Variants in CDK13 observed in about 807,000 individuals in gnomAD.
The protein encoded by CDK13 is cyclin-dependent kinase 13.
A neutral mutation model predicts 137.6 loss-of-function variants in CDK13; 40 were observed. The ratio of observed to expected loss-of-function variants is 0.29; its 90% CI spans 0.23 to 0.38. The LOEUF is 0.38. Ranked by LOEUF, CDK13 falls within the 10% of genes least tolerant of loss-of-function variation. CDK13 has a pLI of 1.00. For synonymous variants in CDK13, 869 were observed against 760.1 expected (o/e 1.14, Z -2.36); for missense variants, 1,704 against 1,951.8 (o/e 0.87, Z 2.39).
At chr7:40,084,360 C>G (rs974574503) in intron 11 of CDK13, among the ~76,000 whole-genome samples, 1 of 152,140 alleles carries the variant, frequency 6.6e-6, no homozygotes, top group Non-Finnish European at 1.5e-5. Context: ...TGCCTGTAAT[C>G]CCAACTACTT....
intron 1 of CDK13, 130 bp from the exon 2 acceptor site, chr7:39,987,469 C>T: frequency 1.2e-6 from 1 of 831,416 alleles, no homozygotes; most frequent in Non-Finnish European, 1.8e-6. Flanking sequence ...TTTTTCAAAA[C>T]TTCAAAAATG....
chr7:39,961,468 T>C (rs1322917349), intron 1 of CDK13, among the ~76,000 whole-genome samples: 1 of 152,100 alleles, frequency 6.6e-6, no homozygotes, highest in African/African-American at 2.4e-5. Context: ...ATCTGAAACT[T>C]TGTGTCTTTT....
rs377170376 is a variant in CDK13, at chr7:39,995,785, A to T, written c.1872-1709A>T. Among the ~76,000 whole-genome samples, 58 of 152,312 alleles carry T rather than the reference A, an allele frequency of 3.8e-4. 1 individual carries two copies. The South Asian group carries it at 0.012, about 30-fold the overall frequency. On this transcript the variant is annotated intron_variant, in intron 2 of 13. Coordinates refer to ENST00000181839, the MANE Select transcript of CDK13 (RefSeq NM_003718.5). The stretch of plus-strand genomic sequence containing the variant: ...CTCTCTGGGAGGCCGAGGCAGGTGG[A>T]TCATCTGAGGTCGGGAGTACAAGAC...
intron 7 of CDK13, among the ~76,000 whole-genome samples, chr7:40,050,265 T>G (rs1168954241): frequency 6.6e-6 from 1 of 152,206 alleles, no homozygotes; most frequent in Non-Finnish European, 1.5e-5. Context: ...CAATTCGCAA[T>G]TTTTTATTCT....
intron 11 of CDK13, among the ~76,000 whole-genome samples, chr7:40,087,546 GTTTTTTTTT>G (rs35686770): frequency 8.9e-6 from 1 of 112,052 alleles, no homozygotes; most frequent in African/African-American, 3.7e-5. Flanking sequence ...CAATAGTGGT[GTTTTTTTTT>G]TTTTTTTTTT....
chr7:40,014,971 G>C (rs1269269101), intron 5 of CDK13, among the ~76,000 whole-genome samples: 1 of 152,188 alleles, frequency 6.6e-6, no homozygotes, highest in East Asian at 1.9e-4. Flanking sequence ...TGAGGGGTGA[G>C]TTGAATTGAG....
At chr7:39,982,434 G>C (rs1204286538) in intron 1 of CDK13, among the ~76,000 whole-genome samples, 1 of 152,074 alleles carries the variant, frequency 6.6e-6, no homozygotes, top group African/African-American at 2.4e-5. Flanking sequence ...ATTTGGGTTG[G>C]TTCCAAGTCT....
chr7:40,064,756 C>T (rs1026494676), intron 9 of CDK13, among the ~76,000 whole-genome samples: 2 of 150,468 alleles, frequency 1.3e-5, no homozygotes, highest in African/African-American at 4.9e-5. Context: ...AGGAGTTCAC[C>T]TGAAACATAG....
Position 39,950,646 on chromosome 7 carries a change from C to A in CDK13, c.5C>A (p.Pro2Gln), listed in dbSNP as rs985289890. The A allele has an allele frequency of 7.5e-7, 1 of 1,333,764 alleles. No individual in the cohort carries two copies. The highest frequency in any genetic ancestry group is 3.1e-5 in the East Asian group (1 of 32,088). 82.6% of individuals were successfully genotyped at this position (1,333,764 alleles called of 1,614,324 possible). A position where few individuals can be genotyped will look rare whatever the true frequency, so the allele number is the denominator to read the frequency against. ...CTCTGCGGCTGGCTCTAGGCGATGC[C>A]GAGCAGCTCGGACACGGCGCTGGGG... is the stretch of plus-strand genomic sequence containing the variant. M[P>Q]SSSDTALGGG... The change falls in exon 1 of 14, where the codon CCG (proline) becomes CAG (glutamine). Residue 2 changes from proline to glutamine, a missense_variant. By Grantham distance (76) the Pro-to-Gln change is moderately conservative (BLOSUM62 -1). Around this residue, in one of 5 missense-constraint regions of CDK13, gnomAD observed 1,051 missense variants for 931.0 expected, o/e 1.13. Coordinates refer to ENST00000181839, the MANE Select transcript of CDK13 (RefSeq NM_003718.5).
chr7:40,052,179 G>GTTTT (rs1785905353), intron 7 of CDK13, among the ~76,000 whole-genome samples: 1 of 151,950 alleles, frequency 6.6e-6, no homozygotes, highest in Non-Finnish European at 1.5e-5. Context: ...CACTTTATTT[G>GTTTT]TTTATTTATA....
intron 1 of CDK13, among the ~76,000 whole-genome samples, chr7:39,959,302 C>T (rs1293051491): frequency 6.6e-6 from 1 of 151,708 alleles, no homozygotes; most frequent in Non-Finnish European, 1.5e-5. Context: ...GCTGGGATTA[C>T]AGGCATGCGC....
chr7:40,036,386 A>G (rs1312281622), intron 5 of CDK13, among the ~76,000 whole-genome samples: 4 of 152,168 alleles, frequency 2.6e-5, no homozygotes, highest in Non-Finnish European at 5.9e-5. Flanking sequence ...AGCCTGGCCA[A>G]CATGGCGAAA....
At chr7:39,997,216 CAATT>C (rs891323493) in intron 2 of CDK13, among the ~76,000 whole-genome samples, 16 of 152,082 alleles carry the variant, frequency 1.1e-4, no homozygotes, top group Non-Finnish European at 2.4e-4. Context: ...CATTCGTTAA[CAATT>C]AATCAATATT....
chr7:40,047,200 G>A (rs1220613771), intron 6 of CDK13, among the ~76,000 whole-genome samples: 1 of 152,092 alleles, frequency 6.6e-6, no homozygotes, highest in Admixed American at 6.6e-5. Context: ...GTTGTAAAGT[G>A]AACTTCTTGG....
At chr7:39,992,216 G>A (rs1784478653) in intron 2 of CDK13, among the ~76,000 whole-genome samples, 1 of 148,776 alleles carries the variant, frequency 6.7e-6, no homozygotes, top group Non-Finnish European at 1.5e-5. Flanking sequence ...ACTTCTCCCC[G>A]AGATGAAGTC....
At chr7:39,968,705 C>T (rs987448763) in intron 1 of CDK13, among the ~76,000 whole-genome samples, 2 of 152,200 alleles carry the variant, frequency 1.3e-5, no homozygotes, top group African/African-American at 2.4e-5. Context: ...ATTAACATAG[C>T]TTTGGAATAA....
At chr7:39,980,662 C>G (rs1784203811) in intron 1 of CDK13, among the ~76,000 whole-genome samples, 1 of 152,170 alleles carries the variant, frequency 6.6e-6, no homozygotes. Flanking sequence ...ACATTTCTGT[C>G]ATCCAGAAAG....
chr7:40,043,200 C>CT (rs1785653204), intron 5 of CDK13, among the ~76,000 whole-genome samples: 1 of 152,176 alleles, frequency 6.6e-6, no homozygotes, highest in Non-Finnish European at 1.5e-5. Context: ...TGTCCACCTC[C>CT]TTGTGGGATT....
rs552333777 is a variant in CDK13 at position 40,097,428 on chromosome 7, G to C, written c.*2448G>C. ...GTCTTATAATTGATGAAATATGATA[G>C]TAAAAAATTTTAATGCTTCCCTTCA... On this transcript the variant is annotated 3_prime_UTR_variant, in exon 14 of 14. Coordinates refer to ENST00000181839, the MANE Select transcript of CDK13 (RefSeq NM_003718.5). 2.0e-5 allele frequency: 3 copies of C among 152,108 alleles called. No individual in the cohort carries two copies. The South Asian group carries it at 6.2e-4, about 32-fold the overall frequency. 9.4% of individuals were successfully genotyped at this position (152,108 alleles called of 1,614,324 possible). A position where few individuals can be genotyped will look rare whatever the true frequency, so the allele number is the denominator to read the frequency against.
Sources: gnomAD v4.1 joint callset for allele counts (sites outside exome capture counted in the v4.1 genomes callset) on GRCh38, gnomAD v4.1.1 for gene constraint, gnomAD v4.1.1 regional missense constraint, MANE v1.5 for transcripts, NCBI Gene and HGNC (gene_info 2026-07-23, HGNC 2026-07-21) for gene names.